Variants in PPP1R16B observed in about 807,000 individuals in gnomAD.
The protein encoded by PPP1R16B is protein phosphatase 1 regulatory inhibitor subunit 16B.
PPP1R16B carries 14 observed loss-of-function variants against 61.7 expected under a neutral mutation model. That is an observed-to-expected ratio of 0.23 (90% CI 0.15 to 0.35). PPP1R16B has a LOEUF of 0.35. Ranked by LOEUF, PPP1R16B falls within the 10% of genes least tolerant of loss-of-function variation. The pLI is 1.00. For missense variants in PPP1R16B, 547 were observed against 752.5 expected (o/e 0.73, Z 3.19); for synonymous variants, 266 against 305.3 (o/e 0.87, Z 1.34).
chr20:38,921,280 C>T lies in PPP1R16B; in HGVS notation c.*2614C>T, dbSNP rs768902816. On this transcript the variant is annotated 3_prime_UTR_variant, in exon 11 of 11. Coordinates refer to ENST00000299824, the MANE Select transcript of PPP1R16B (RefSeq NM_015568.4). ...TGTTGAGAGACAAGTTGGAGACCAA[C>T]CTCCAATGAATGAGCCGCGGTCATT... is the stretch of plus-strand genomic sequence containing the variant. The T allele has an allele frequency of 2.0e-5, 3 of 152,238 alleles. No individual in the cohort carries two copies. The highest frequency in any genetic ancestry group is 4.4e-5 in the Non-Finnish European group (3 of 68,046). The allele number at this position is 152,238 out of a possible 1,614,324, so 9.4% of individuals were successfully genotyped here.
At chr20:38,893,510 G>A (rs2085306967) in intron 3 of PPP1R16B, among the ~76,000 whole-genome samples, 1 of 151,500 alleles carries the variant, frequency 6.6e-6, no homozygotes, top group African/African-American at 2.4e-5. Flanking sequence ...GGCAGAGGGT[G>A]GGGACAGCGA....
intron 2 of PPP1R16B, among the ~76,000 whole-genome samples, chr20:38,848,555 T>C (rs1000483097): frequency 6.6e-6 from 1 of 152,332 alleles, no homozygotes; most frequent in Middle Eastern, 3.4e-3. Context: ...CTCTTTTTTT[T>C]CAAAATGTTC....
intron 2 of PPP1R16B, among the ~76,000 whole-genome samples, chr20:38,887,084 G>T (rs956951001): frequency 6.6e-6 from 1 of 151,986 alleles, no homozygotes; most frequent in Admixed American, 6.6e-5. Context: ...AGTGTTAGAG[G>T]CAGATGCATG....
intron 10 of PPP1R16B, among the ~76,000 whole-genome samples, chr20:38,914,962 C>T (rs537339238): frequency 1.3e-5 from 2 of 152,100 alleles, no homozygotes; most frequent in South Asian, 4.1e-4. Flanking sequence ...GCCACTGCAC[C>T]CAGCAGGGAT....
At chr20:38,820,690 C>T (rs2145709003) in intron 1 of PPP1R16B, among the ~76,000 whole-genome samples, 1 of 151,872 alleles carries the variant, frequency 6.6e-6, no homozygotes, top group Admixed American at 6.6e-5. Flanking sequence ...ATTTATATTC[C>T]CACTCAGTGT....
chr20:38,837,744 C>T (rs376759259), intron 2 of PPP1R16B, among the ~76,000 whole-genome samples: 2 of 151,902 alleles, frequency 1.3e-5, no homozygotes, highest in East Asian at 1.9e-4. Flanking sequence ...GATGGGATTT[C>T]GCCATGTTGG....
chr20:38,903,809 A>G (rs758899456), intron 6 of PPP1R16B, among the ~76,000 whole-genome samples: 10 of 152,176 alleles, frequency 6.6e-5, no homozygotes, highest in Non-Finnish European at 1.0e-4. Flanking sequence ...CACTCCTCAT[A>G]GGCTCTCAGA....
intron 1 of PPP1R16B, among the ~76,000 whole-genome samples, chr20:38,812,905 T>G (rs1034227744): frequency 6.6e-6 from 1 of 152,172 alleles, no homozygotes; most frequent in Non-Finnish European, 1.5e-5. Context: ...CCCCTTTGGT[T>G]TCCTGCTAAA....
chr20:38,857,119 G>T (rs2085013863), intron 2 of PPP1R16B, among the ~76,000 whole-genome samples: 1 of 152,148 alleles, frequency 6.6e-6, no homozygotes, highest in Admixed American at 6.5e-5. Context: ...CTTCCCCAGG[G>T]TGCACCCACC....
intron 2 of PPP1R16B, among the ~76,000 whole-genome samples, chr20:38,857,800 G>T (rs537629919): frequency 6.6e-6 from 1 of 151,600 alleles, no homozygotes; most frequent in South Asian, 2.1e-4. Flanking sequence ...CTCTCAGGAC[G>T]CAACTGATGT....
At chr20:38,877,091 T>C (rs879477169) in intron 2 of PPP1R16B, among the ~76,000 whole-genome samples, 9 of 152,234 alleles carry the variant, frequency 5.9e-5, no homozygotes, top group Non-Finnish European at 1.2e-4. Context: ...AGCTGCAGAA[T>C]ATTCCATTAT....
intron 2 of PPP1R16B, among the ~76,000 whole-genome samples, chr20:38,867,140 C>T (rs545010989): frequency 2.6e-5 from 4 of 152,312 alleles, no homozygotes; most frequent in Admixed American, 2.0e-4. Flanking sequence ...CCCTGTCCCC[C>T]GCCAACCACA....
chr20:38,895,487 G>T, intron 3 of PPP1R16B, 78 bp from the exon 4 acceptor site: 2 of 1,484,050 alleles, frequency 1.3e-6, no homozygotes, highest in Non-Finnish European at 9.3e-7. Flanking sequence ...CCTCTTGCGG[G>T]GAACCTGGTG....
rs1568690110 is a variant in PPP1R16B at position 38,919,519 on chromosome 20, T to A, written c.*853T>A. 1 of 152,230 alleles carries A rather than the reference T, an allele frequency of 6.6e-6. No homozygotes were observed. The highest frequency in any genetic ancestry group is 1.5e-5 in the Non-Finnish European group (1 of 68,052). 9.4% of individuals were successfully genotyped at this position (152,230 alleles called of 1,614,324 possible). ...AGGTCAGTATTTACCAAAGTGTATC[T>A]GATTTTAAAAATTCCTTTAGTCTGT... On this transcript the variant is annotated 3_prime_UTR_variant, in exon 11 of 11. Transcript: ENST00000299824.
intron 1 of PPP1R16B, among the ~76,000 whole-genome samples, chr20:38,815,013 G>T (rs562305443): frequency 1.8e-4 from 27 of 152,068 alleles, no homozygotes; most frequent in Non-Finnish European, 3.7e-4. Context: ...AAAATATAGG[G>T]AAGATTTTCA....
chr20:38,875,033 T>C (rs1353808927), intron 2 of PPP1R16B, among the ~76,000 whole-genome samples: 1 of 152,250 alleles, frequency 6.6e-6, no homozygotes, highest in Non-Finnish European at 1.5e-5. Flanking sequence ...GATGCTGATA[T>C]GCATCTGCTG....
At chr20:38,828,237 G>A (rs542277060) in intron 1 of PPP1R16B, among the ~76,000 whole-genome samples, 1 of 152,212 alleles carries the variant, frequency 6.6e-6, no homozygotes, top group African/African-American at 2.4e-5. Context: ...AGCTGAGTGG[G>A]CAGGGAAACC....
At chr20:38,837,359 G>C (rs1003444938) in intron 2 of PPP1R16B, among the ~76,000 whole-genome samples, 1 of 151,958 alleles carries the variant, frequency 6.6e-6, no homozygotes, top group Non-Finnish European at 1.5e-5. Context: ...GATTATTACT[G>C]TTTTATTTTA....
chr20:38,814,304 C>T lies in PPP1R16B; in HGVS notation c.-102+8512C>T, dbSNP rs7273786. Among the ~76,000 whole-genome samples, 749 of 152,264 alleles carry T rather than the reference C, an allele frequency of 4.9e-3. 7 individuals are homozygous for T. The highest frequency in any genetic ancestry group is 0.017 in the African/African-American group (707 of 41,536). On this transcript the variant is annotated intron_variant, in intron 1 of 10. Coordinates refer to ENST00000299824, the MANE Select transcript of PPP1R16B (RefSeq NM_015568.4). Reference sequence around the variant, plus strand: ...GCTGTCTTCTCTTTATGGGGCTATCCCTACTCTGAGGGAGTACCTTTTTTC... The same window carrying T: ...GCTGTCTTCTCTTTATGGGGCTATCTCTACTCTGAGGGAGTACCTTTTTTC...
Sources: gnomAD v4.1 joint callset for allele counts (sites outside exome capture counted in the v4.1 genomes callset) on GRCh38, gnomAD v4.1.1 for gene constraint, MANE v1.5 for transcripts, NCBI Gene and HGNC (gene_info 2026-07-23, HGNC 2026-07-21) for gene names.